GSTT4: variants seen among roughly 807,000 people sequenced by gnomAD.
The protein encoded by GSTT4 is glutathione S-transferase theta 4.
intron 2 of GSTT4, among the ~76,000 whole-genome samples, chr22:24,001,560 CA>C (rs1280532457): frequency 6.6e-6 from 1 of 152,266 alleles, no homozygotes; most frequent in African/African-American, 2.4e-5. Context: ...AGTAGGCCAG[CA>C]GGGGGAACAA....
At chr22:23,990,450 C>T in the GSTT4 span, among the ~76,000 whole-genome samples, 29 of 22,110 alleles carry the variant, frequency 1.3e-3, no homozygotes, top group African/African-American at 9.6e-3. Context: ...CGTCTACACA[C>T]ACCAAAAAAA....
chr22:23,996,846 A>C (rs2034121305), downstream of GSTT4, among the ~76,000 whole-genome samples: 5 of 152,184 alleles, frequency 3.3e-5, no homozygotes, highest in Admixed American at 2.6e-4. Context: ...CTGGCCTCAT[A>C]GTATGAGTTG....
intron 2 of GSTT4, among the ~76,000 whole-genome samples, chr22:24,003,432 C>A (rs938143633): frequency 1.3e-5 from 2 of 152,242 alleles, no homozygotes; most frequent in Non-Finnish European, 2.9e-5. Context: ...CTAGGCTGGT[C>A]TTGAACACGT....
chr22:23,999,584 A>G (rs1283054733), intron 4 of GSTT4, among the ~76,000 whole-genome samples: 1 of 113,692 alleles, frequency 8.8e-6, no homozygotes, highest in Non-Finnish European at 1.8e-5. Flanking sequence ...CTGCATGTAG[A>G]GGCCACATAA....
At chr22:23,995,391 T>C (rs2034106653), downstream of GSTT4, among the ~76,000 whole-genome samples, 1 of 152,176 alleles carries the variant, frequency 6.6e-6, no homozygotes, top group Admixed American at 6.5e-5. Flanking sequence ...TGTATGCACT[T>C]GCACCCTCTC....
At chr22:23,996,188 C>T (rs5996648), downstream of GSTT4, among the ~76,000 whole-genome samples, 41,633 of 151,990 alleles carry the variant, frequency 0.27, 6,775 homozygotes, top group African/African-American at 0.49. Flanking sequence ...ATGATCTGCC[C>T]GCCTTGGCCT....
downstream of GSTT4, among the ~76,000 whole-genome samples, chr22:23,997,574 A>G (rs1181719383): frequency 6.6e-6 from 1 of 151,924 alleles, no homozygotes; most frequent in Non-Finnish European, 1.5e-5. Context: ...TCACTTGGCT[A>G]TTCTAAGTAA....
chr22:23,992,534 G>C, the GSTT4 span, among the ~76,000 whole-genome samples: 1 of 148,624 alleles, frequency 6.7e-6, no homozygotes, highest in Admixed American at 6.9e-5. Context: ...CGGCCTTGTG[G>C]GCCTACAACG....
chr22:23,993,934 C>G (rs2146221283), downstream of GSTT4, among the ~76,000 whole-genome samples: 1 of 152,290 alleles, frequency 6.6e-6, no homozygotes, highest in South Asian at 2.1e-4. Flanking sequence ...CTCCCTTCCC[C>G]CAATATGGTC....
At chr22:23,993,097 G>A in the GSTT4 span, among the ~76,000 whole-genome samples, 1 of 152,130 alleles carries the variant, frequency 6.6e-6, no homozygotes, top group Non-Finnish European at 1.5e-5. Context: ...GACATTTAAA[G>A]TTACCATCAT....
downstream of GSTT4, among the ~76,000 whole-genome samples, chr22:23,994,715 C>T (rs1435441115): frequency 6.6e-6 from 1 of 151,924 alleles, no homozygotes; most frequent in Non-Finnish European, 1.5e-5. Flanking sequence ...AATGTGAGCA[C>T]TAAAGGCAGA....
At chr22:23,997,037 T>A (rs531216958), downstream of GSTT4, among the ~76,000 whole-genome samples, 22 of 152,200 alleles carry the variant, frequency 1.4e-4, no homozygotes, top group South Asian at 4.6e-3. Context: ...TAAAATTTTA[T>A]CTTTCTTCTT....
rs1243786295 is a variant in GSTT4 at position 23,998,476 on chromosome 22, T to A, written c.*66A>T. 1 of 79,640 alleles carries A rather than the reference T, an allele frequency of 1.3e-5. No individual in the cohort carries two copies. The highest frequency in any genetic ancestry group is 2.9e-5 in the Non-Finnish European group (1 of 34,238). The allele number at this position is 79,640 out of a possible 1,614,324, so 4.9% of individuals were successfully genotyped here. A position where few individuals can be genotyped will look rare whatever the true frequency, so the allele number is the denominator to read the frequency against. On this transcript the variant is annotated 3_prime_UTR_variant, in exon 5 of 5. Transcript: ENST00000621179. Reference sequence around the variant, plus strand: ...TTTTTGTTTTTTTTTTTTTAACATTTCCTTTAAGGAAGGTGGCTCAGATTG... The same window carrying A: ...TTTTTGTTTTTTTTTTTTTAACATTACCTTTAAGGAAGGTGGCTCAGATTG...
intron 2 of GSTT4, among the ~76,000 whole-genome samples, chr22:24,002,867 TCCAAACAAACTG>T: frequency 6.6e-6 from 1 of 151,464 alleles, no homozygotes; most frequent in Admixed American, 6.6e-5. Context: ...TGGATCCTGA[TCCAAACAAACTG>T]CCAAGAAAAT....
the GSTT4 span, among the ~76,000 whole-genome samples, chr22:23,992,401 T>C: frequency 2.7e-5 from 4 of 149,210 alleles, no homozygotes; most frequent in Non-Finnish European, 5.9e-5. Context: ...TGTGGGATAG[T>C]AGCTCTCAAA....
chr22:23,997,122 G>A (rs1256625525), downstream of GSTT4, among the ~76,000 whole-genome samples: 2 of 151,984 alleles, frequency 1.3e-5, no homozygotes, highest in African/African-American at 4.8e-5. Context: ...TCCACATATA[G>A]TTATTCATAG....
chr22:23,999,726 C>T (rs2034184352), intron 4 of GSTT4, among the ~76,000 whole-genome samples: 1 of 142,890 alleles, frequency 7.0e-6, no homozygotes, highest in Admixed American at 7.0e-5. Context: ...CCCAGGAAGC[C>T]AGTGAACATT....
At chr22:24,001,580 G>T (rs1386987107) in intron 2 of GSTT4, among the ~76,000 whole-genome samples, 1 of 152,280 alleles carries the variant, frequency 6.6e-6, no homozygotes, top group Non-Finnish European at 1.5e-5. Flanking sequence ...AACACGTGTT[G>T]AATTGGGATG....
chr22:23,992,052 CAAA>C, the GSTT4 span, among the ~76,000 whole-genome samples: 166 of 71,194 alleles, frequency 2.3e-3, 2 homozygotes, highest in South Asian at 0.065. Context: ...TACTCCGTCT[CAAA>C]AAAAAAAAAA....
Sources: gnomAD v4.1 joint callset for allele counts (sites outside exome capture counted in the v4.1 genomes callset) on GRCh38, gnomAD v4.1.1 for gene constraint, MANE v1.5 for transcripts, NCBI Gene and HGNC (gene_info 2026-07-23, HGNC 2026-07-21) for gene names.